The following HECW2 variants were observed in gnomAD, a reference collection of about 807,000 sequenced individuals.
The protein encoded by HECW2 is HECT, C2 and WW domain containing E3 ubiquitin protein ligase 2.
In HECW2, 61 loss-of-function variants were observed where a neutral mutation model predicts 175.2. The observed-to-expected ratio is 0.35, with a 90% CI of 0.28 to 0.43. The LOEUF is 0.43. Among genes scored for constraint, HECW2 ranks in the 20% least tolerant of loss-of-function variants. The pLI is 1.00. For missense variants in HECW2, 1,524 were observed against 2,000.5 expected (o/e 0.76, Z 4.54); for synonymous variants, 671 against 731.0 (o/e 0.92, Z 1.32).
chr2:196,482,724 G>A (rs897177045), intron 1 of HECW2, among the ~76,000 whole-genome samples: 1 of 152,156 alleles, frequency 6.6e-6, no homozygotes, highest in African/African-American at 2.4e-5. Flanking sequence ...TGCTGCTGAC[G>A]CATGCTCCAC....
chr2:196,348,997 A>G (rs991764450), intron 2 of HECW2, among the ~76,000 whole-genome samples: 1 of 151,966 alleles, frequency 6.6e-6, no homozygotes, highest in African/African-American at 2.4e-5. Context: ...CCCTACTACT[A>G]TCTCCTCTGT....
At chr2:196,254,596 T>C (rs992610061) in intron 18 of HECW2, among the ~76,000 whole-genome samples, 11 of 152,246 alleles carry the variant, frequency 7.2e-5, no homozygotes, top group African/African-American at 2.7e-4. Context: ...TAATGTCTTC[T>C]TTCTTCTCCA....
At chr2:196,380,559 G>C (rs73053802) in intron 2 of HECW2, among the ~76,000 whole-genome samples, 3,314 of 152,246 alleles carry the variant, frequency 0.022, 119 homozygotes, top group African/African-American at 0.076. Context: ...TTTGAAAAGT[G>C]TTCTGGTGAT....
At chr2:196,441,377 C>CAA (rs1283288555) in intron 1 of HECW2, among the ~76,000 whole-genome samples, 2 of 22,708 alleles carry the variant, frequency 8.8e-5, no homozygotes, top group Non-Finnish European at 2.1e-4. Context: ...AACACACACA[C>CAA]ACAAACACAC....
chr2:196,298,226 G>T (rs753850038), intron 13 of HECW2, among the ~76,000 whole-genome samples: 2 of 152,142 alleles, frequency 1.3e-5, no homozygotes, highest in Non-Finnish European at 1.5e-5. Context: ...AGCTATAAAA[G>T]ACATGGCACT....
At chr2:196,592,044 A>G (rs1315163223) in intron 1 of HECW2, among the ~76,000 whole-genome samples, 1 of 152,242 alleles carries the variant, frequency 6.6e-6, no homozygotes, top group Admixed American at 6.5e-5. Flanking sequence ...TCATATTTAT[A>G]AGACAAACAC....
intron 1 of HECW2, among the ~76,000 whole-genome samples, chr2:196,480,047 T>C (rs1686788528): frequency 6.6e-6 from 1 of 151,878 alleles, no homozygotes; most frequent in Non-Finnish European, 1.5e-5. Context: ...CCACTGCCAC[T>C]CCCCCCAAAA....
At chr2:196,472,800 T>C (rs983035075) in intron 1 of HECW2, among the ~76,000 whole-genome samples, 2 of 152,052 alleles carry the variant, frequency 1.3e-5, no homozygotes, top group Non-Finnish European at 2.9e-5. Flanking sequence ...TTTGTATTTT[T>C]AGTAGAGACG....
At chr2:196,252,198 A>ATAAT (rs1688881139) in intron 19 of HECW2, among the ~76,000 whole-genome samples, 1 of 141,250 alleles carries the variant, frequency 7.1e-6, no homozygotes, top group Non-Finnish European at 1.6e-5. Context: ...AATAATAATA[A>ATAAT]TAATAATAAT....
chr2:196,518,274 G>A (rs1318610839), intron 1 of HECW2, among the ~76,000 whole-genome samples: 5 of 152,154 alleles, frequency 3.3e-5, no homozygotes, highest in East Asian at 1.9e-4. Flanking sequence ...CTGATGTTAT[G>A]AGAAATGGGA....
At chr2:196,244,746 A>G (rs1452357520) in intron 19 of HECW2, among the ~76,000 whole-genome samples, 2 of 152,268 alleles carry the variant, frequency 1.3e-5, no homozygotes, top group East Asian at 3.8e-4. Context: ...AACAGCTGGC[A>G]TGAGCACTGC....
At chr2:196,377,410 G>T (rs560247056) in intron 2 of HECW2, among the ~76,000 whole-genome samples, 3 of 152,326 alleles carry the variant, frequency 2.0e-5, no homozygotes, top group Admixed American at 2.0e-4. Flanking sequence ...AGGTTTAACT[G>T]ACTCACAGTT....
In HECW2 at chr2:196,320,436, A is replaced by G. The variant is rs1309047223; in HGVS notation, c.888T>C (p.Asp296=). Residue 296 remains aspartate, a synonymous_variant, in exon 8 of 29, where the codon GAT becomes GAC. Transcript: ENST00000644978. The part of the protein sequence containing the change: ...QRLLERQAIG[D]QMLSYNLGRR... ...TGCCAAGGTTGTAGCTGAGCATTTG[A>G]TCACTGCAAGAAGAGAAATGCTTCT... The G allele has an allele frequency of 5.0e-6, 8 of 1,606,768 alleles. No homozygotes were observed. The African/African-American group carries it at 1.1e-4, about 21-fold the overall frequency.
intron 4 of HECW2, among the ~76,000 whole-genome samples, chr2:196,330,426 G>A (rs1206526059): frequency 1.3e-5 from 2 of 152,156 alleles, no homozygotes; most frequent in South Asian, 2.1e-4. Flanking sequence ...CCAAATGTGG[G>A]AAATAGAACC....
chr2:196,202,985 T>C (rs769090550), intron 28 of HECW2, among the ~76,000 whole-genome samples: 12 of 152,206 alleles, frequency 7.9e-5, no homozygotes, highest in Non-Finnish European at 1.3e-4. Flanking sequence ...CATAATTTGG[T>C]TCATGAAACA....
At chr2:196,350,121 T>A (rs1329218245) in intron 2 of HECW2, among the ~76,000 whole-genome samples, 1 of 152,130 alleles carries the variant, frequency 6.6e-6, no homozygotes, top group Non-Finnish European at 1.5e-5. Context: ...CCCAGCACTT[T>A]GGGAGGCCGA....
intron 1 of HECW2, among the ~76,000 whole-genome samples, chr2:196,573,683 T>C (rs143353343): frequency 6.6e-6 from 1 of 152,288 alleles, no homozygotes; most frequent in East Asian, 1.9e-4. Context: ...CAGCTGCAAT[T>C]GCCGAACACT....
chr2:196,381,197 G>A (rs1008221380), intron 2 of HECW2, among the ~76,000 whole-genome samples: 3 of 152,144 alleles, frequency 2.0e-5, no homozygotes, highest in Non-Finnish European at 2.9e-5. Flanking sequence ...ACACTGTTCT[G>A]TGACCATGAA....
intron 1 of HECW2, among the ~76,000 whole-genome samples, chr2:196,516,673 C>T (rs1482861566): frequency 6.6e-6 from 1 of 152,172 alleles, no homozygotes; most frequent in African/African-American, 2.4e-5. Flanking sequence ...CCCCAAACTG[C>T]TAGAAACCAG....
Sources: allele counts gnomAD v4.1 joint callset (sites outside exome capture counted in the v4.1 genomes callset), GRCh38; gene constraint gnomAD v4.1.1; transcripts MANE v1.5; gene names NCBI Gene and HGNC (gene_info 2026-07-23, HGNC 2026-07-21).